The following TMCO4 variants were observed in gnomAD, a reference collection of about 807,000 sequenced individuals.
The protein encoded by TMCO4 is transmembrane and coiled-coil domain-containing protein 4.
TMCO4 carries 58 observed loss-of-function variants against 64.7 expected under a neutral mutation model. The ratio of observed to expected loss-of-function variants is 0.90; its 90% CI spans 0.73 to 1.12. TMCO4 has a LOEUF of 1.12. Among genes scored for constraint, TMCO4 ranks in the 50% most tolerant of loss-of-function variants. TMCO4 has a pLI of 0.00. For missense variants in TMCO4, 780 were observed against 825.9 expected (o/e 0.94, Z 0.68); for synonymous variants, 325 against 346.1 (o/e 0.94, Z 0.68).
At chr1:19,755,281 G>A (rs997208406) in intron 7 of TMCO4, among the ~76,000 whole-genome samples, 1 of 152,076 alleles carries the variant, frequency 6.6e-6, no homozygotes, top group Non-Finnish European at 1.5e-5. Flanking sequence ...ACATGCCAGC[G>A]TGCCCGGCTA....
chr1:19,791,334 TAA>T (rs58803246), intron 2 of TMCO4, among the ~76,000 whole-genome samples: 4,665 of 143,530 alleles, frequency 0.033, 235 homozygotes, highest in African/African-American at 0.11. Flanking sequence ...AAATTAAAAT[TAA>T]AAAAAAAAAG....
chr1:19,745,498 AC>A (rs768646112), intron 10 of TMCO4, 33 bp downstream of exon 10: 2 of 1,605,324 alleles, frequency 1.2e-6, no homozygotes, highest in Non-Finnish European at 1.7e-6. Flanking sequence ...ACCACTGCCC[AC>A]CCCCCTCCAC....
intron 7 of TMCO4, among the ~76,000 whole-genome samples, chr1:19,753,639 T>C (rs1335313729): frequency 6.6e-6 from 1 of 152,080 alleles, no homozygotes; most frequent in East Asian, 1.9e-4. Flanking sequence ...CTTAATTGTA[T>C]AGGTAAAAAA....
At chr1:19,747,555 A>G (rs1165190126) in intron 7 of TMCO4, among the ~76,000 whole-genome samples, 1 of 152,214 alleles carries the variant, frequency 6.6e-6, no homozygotes, top group Non-Finnish European at 1.5e-5. Context: ...GAAGCACAAA[A>G]AAGATCTTTA....
intron 4 of TMCO4, among the ~76,000 whole-genome samples, chr1:19,776,629 C>T (rs1321184334): frequency 6.6e-6 from 1 of 152,314 alleles, no homozygotes; most frequent in African/African-American, 2.4e-5. Flanking sequence ...ACCCTCCTTA[C>T]AATCACCCTC....
intron 6 of TMCO4, among the ~76,000 whole-genome samples, chr1:19,756,197 C>T (rs1371366339): frequency 6.6e-6 from 1 of 152,052 alleles, no homozygotes; most frequent in Non-Finnish European, 1.5e-5. Context: ...TGCAGTGAGC[C>T]GTGATCATGT....
intron 13 of TMCO4, among the ~76,000 whole-genome samples, chr1:19,735,057 T>C (rs2095447664): frequency 6.6e-6 from 1 of 152,116 alleles, no homozygotes; most frequent in Non-Finnish European, 1.5e-5. Context: ...TGCTGGGCAC[T>C]AGGGGGGCGG....
At chr1:19,685,588 C>T (rs1056181709) in intron 15 of TMCO4, among the ~76,000 whole-genome samples, 3 of 152,140 alleles carry the variant, frequency 2.0e-5, no homozygotes, top group African/African-American at 7.2e-5. Flanking sequence ...CTTGGATATA[C>T]TCCTTTGCTA....
In TMCO4 at chr1:19,770,991, T is replaced by C. The variant is rs1219517858; in HGVS notation, c.354+317A>G. 2.0e-5 allele frequency among the ~76,000 whole-genome samples: 3 copies of C among 152,194 alleles called. No individual in the cohort carries two copies. In the East Asian group the frequency reaches 5.8e-4, roughly 29 times the overall value. ...TCCACCACTTATCAGCTGTGTGACC[T>C]TGGGCAAGTTACTTAACCTCTCTGT... On this transcript the variant is annotated intron_variant, in intron 5 of 15. Transcript: ENST00000294543.
intron 7 of TMCO4, among the ~76,000 whole-genome samples, chr1:19,747,583 G>A (rs2041848225): frequency 6.6e-6 from 1 of 152,114 alleles, no homozygotes; most frequent in African/African-American, 2.4e-5. Context: ...GGACCCAGAA[G>A]AAGCACAAAA....
Position 19,740,872 on chromosome 1 carries a change from T to G in TMCO4, c.947A>C (p.Lys316Thr). The change falls in exon 11 of 16, where the codon AAG becomes ACG. Residue 316 changes from lysine to threonine, a missense_variant. Transcript: ENST00000294543. Reference protein sequence around the residue: ...REQYCLAWEAKYLMELGNALE... With the variant: ...REQYCLAWEATYLMELGNALE... ...GGCATTGCCGAGCTCCATCAGGTAC[T>G]TGGCTTCCCAGGCCAGGCAGTACTG... 6.2e-7 allele frequency: 1 copy of G among 1,614,128 alleles called. No homozygotes were observed. The highest frequency in any genetic ancestry group is 8.5e-7 in the Non-Finnish European group (1 of 1,180,008).
intron 6 of TMCO4, among the ~76,000 whole-genome samples, chr1:19,757,740 CT>C (rs1308639903): frequency 6.6e-5 from 10 of 152,180 alleles, no homozygotes; most frequent in Admixed American, 3.9e-4. Context: ...AGACTGTAAG[CT>C]TAGTCATCTG....
intron 13 of TMCO4, among the ~76,000 whole-genome samples, chr1:19,713,746 C>T (rs1279219275): frequency 6.6e-6 from 1 of 150,940 alleles, no homozygotes; most frequent in East Asian, 2.0e-4. Flanking sequence ...ACAAAAAAAA[C>T]ATGCTCCTTG....
intron 10 of TMCO4, 95 bp downstream of exon 10, chr1:19,745,437 T>A: frequency 1.3e-6 from 2 of 1,581,206 alleles, no homozygotes; most frequent in Non-Finnish European, 1.7e-6. Flanking sequence ...GGGCTCCCTA[T>A]ACCTGCTCCC....
Position 19,776,937 on chromosome 1 carries a change from G to T in TMCO4, c.179+3643C>A, listed in dbSNP as rs797014575. Among the ~76,000 whole-genome samples the T allele has an allele frequency of 8.4e-5, 12 of 143,338 alleles. 2 individuals are homozygous for T. The highest frequency in any genetic ancestry group is 3.1e-4 in the African/African-American group (12 of 38,662). The allele number at this position is 143,338 out of a possible 152,430, so 94.0% of individuals were successfully genotyped here. On this transcript the variant is annotated intron_variant, in intron 4 of 15. Transcript: ENST00000294543. ...AGCTATTCAAGAAGCTGAGGCAAGA[G>T]AATTGCTTGAATCCAGGAGGCAGAG... is the stretch of plus-strand genomic sequence containing the variant.
rs146261881 is a variant in TMCO4, at chr1:19,724,847, C to T, written c.1264+12525G>A. On this transcript the variant is annotated intron_variant, in intron 13 of 15. Coordinates refer to ENST00000294543, the MANE Select transcript of TMCO4 (RefSeq NM_181719.7). ...CACAATCTCTGCTCACTGCAACCTC[C>T]GCCTCCCAGGTTCAAGCAATTCTCC... is the stretch of plus-strand genomic sequence containing the variant. Among the ~76,000 whole-genome samples the T allele has an allele frequency of 1.1e-3, 168 of 152,220 alleles. 1 individual carries two copies. In the Middle Eastern group the frequency reaches 0.017, roughly 15 times the overall value.
chr1:19,739,946 G>A lies in TMCO4; in HGVS notation c.1057C>T (p.Leu353=), dbSNP rs144670706. 1.1e-3 allele frequency: 1,700 copies of A among 1,613,362 alleles called. 24 individuals carry two copies. In the African/African-American group the frequency reaches 0.017, roughly 17 times the overall value. Residue 353 remains leucine, a synonymous_variant, in exon 12 of 16, where the codon CTG becomes TTG. Transcript: ENST00000294543. The part of the protein sequence containing the change: ...YTVLSGIVAA[L]TWPASLLSVA... ...CTGAGGAGTGAGGCTGGCCAGGTCA[G>A]GGCAGCCACAATGCCTGGGGAGGTG...
chr1:19,728,105 T>C (rs1221315334), intron 13 of TMCO4, among the ~76,000 whole-genome samples: 3 of 152,192 alleles, frequency 2.0e-5, no homozygotes, highest in African/African-American at 7.2e-5. Context: ...ACTATTGTAC[T>C]AGGCTTAGTA....
intron 13 of TMCO4, among the ~76,000 whole-genome samples, chr1:19,707,949 A>G (rs113236460): frequency 2.6e-5 from 4 of 152,298 alleles, no homozygotes; most frequent in African/African-American, 9.6e-5. Context: ...AGAACTCACT[A>G]TCATGAGAAC....
Sources: allele counts gnomAD v4.1 joint callset (sites outside exome capture counted in the v4.1 genomes callset), GRCh38; gene constraint gnomAD v4.1.1; transcripts MANE v1.5; gene names NCBI Gene and HGNC (gene_info 2026-07-23, HGNC 2026-07-21).